RPIA: variants seen among roughly 807,000 people sequenced by gnomAD.
The protein encoded by RPIA is ribose 5-phosphate isomerase A.
In RPIA, 29 loss-of-function variants were observed where a neutral mutation model predicts 37.8. The observed-to-expected ratio is 0.77, with a 90% CI of 0.57 to 1.05. The LOEUF is 1.05. Ranked by LOEUF, RPIA falls within the 50% of genes least tolerant of loss-of-function variation. RPIA has a pLI of 0.00. For missense variants in RPIA, 385 were observed against 413.6 expected, an observed-to-expected ratio of 0.93 and a Z score of 0.60; for synonymous variants, 167 against 157.0, an observed-to-expected ratio of 1.06 and a Z score of -0.48.
Position 88,750,504 on chromosome 2 carries a change from T to C in RPIA, c.*426T>C. On this transcript the variant is annotated 3_prime_UTR_variant, in exon 9 of 9. Coordinates refer to ENST00000283646, the MANE Select transcript of RPIA (RefSeq NM_144563.3). ...GGGCCCACCAGCAGTGATCTCCTGATGCCTTACTGGAAACTTTGTTTACTT... is the reference window on the plus strand; with the variant it reads ...GGGCCCACCAGCAGTGATCTCCTGACGCCTTACTGGAAACTTTGTTTACTT... The C allele has an allele frequency of 2.4e-6, 1 of 423,454 alleles. No homozygotes were observed. Among genetic ancestry groups the C allele is most frequent in the Non-Finnish European group, 4.2e-6 (1 of 240,454 alleles). The allele number at this position is 423,454 out of a possible 1,614,324, so 26.2% of individuals were successfully genotyped here.
intron 8 of RPIA, 100 bp from the exon 9 acceptor site, chr2:88,749,881 T>G (rs1166710793): frequency 2.6e-6 from 2 of 765,468 alleles, no homozygotes; most frequent in African/African-American, 3.4e-5. Context: ...ATTCGTCCAA[T>G]GCTGTGTATG....
intron 2 of RPIA, among the ~76,000 whole-genome samples, chr2:88,699,483 G>A (rs1226522327): frequency 1.3e-5 from 2 of 151,754 alleles, no homozygotes; most frequent in Non-Finnish European, 2.9e-5. Flanking sequence ...ACTCTCTGGG[G>A]CCTACAAATA....
intron 3 of RPIA, among the ~76,000 whole-genome samples, chr2:88,723,484 A>C (rs1219480423): frequency 6.6e-6 from 1 of 152,210 alleles, no homozygotes; most frequent in Non-Finnish European, 1.5e-5. Flanking sequence ...GTTCTACAGC[A>C]AAATAAACTT....
chr2:88,718,373 T>A (rs1332911476), intron 3 of RPIA, among the ~76,000 whole-genome samples: 1 of 152,182 alleles, frequency 6.6e-6, no homozygotes, highest in Non-Finnish European at 1.5e-5. Flanking sequence ...TTAAATTGGC[T>A]TTGATGGAAC....
chr2:88,700,869 A>G (rs1672822089), intron 3 of RPIA, among the ~76,000 whole-genome samples: 1 of 152,172 alleles, frequency 6.6e-6, no homozygotes, highest in African/African-American at 2.4e-5. Flanking sequence ...GAGTATGTGT[A>G]TAATCTCTCG....
chr2:88,722,035 CTTTCTGG>C (rs1404735896), intron 3 of RPIA, among the ~76,000 whole-genome samples: 1 of 149,020 alleles, frequency 6.7e-6, no homozygotes, highest in Non-Finnish European at 1.5e-5. Flanking sequence ...CGTGCTTGGA[CTTTCTGG>C]TTTGTCCTGA....
At chr2:88,692,315 A>G (rs111351323) in intron 1 of RPIA, among the ~76,000 whole-genome samples, 10,453 of 152,274 alleles carry the variant, frequency 0.069, 450 homozygotes, top group Non-Finnish European at 0.094. Flanking sequence ...CTCCTTATCA[A>G]TAAATGGAAA....
At chr2:88,713,120 ATTT>A (rs1553420200) in intron 3 of RPIA, among the ~76,000 whole-genome samples, 3 of 65,280 alleles carry the variant, frequency 4.6e-5, no homozygotes, top group African/African-American at 2.4e-4. Context: ...ATATATATAT[ATTT>A]TTTTTTTTTT....
rs1344444750 is a variant in RPIA at position 88,750,456 on chromosome 2, C to G, written c.*378C>G. The G allele has an allele frequency of 2.3e-6, 1 of 427,544 alleles. No individual in the cohort carries two copies. Among genetic ancestry groups the G allele is most frequent in the Non-Finnish European group, 4.1e-6 (1 of 243,066 alleles). 26.5% of individuals were successfully genotyped at this position (427,544 alleles called of 1,614,324 possible). On this transcript the variant is annotated 3_prime_UTR_variant, in exon 9 of 9. Coordinates refer to ENST00000283646, the MANE Select transcript of RPIA (RefSeq NM_144563.3). ...GTTTGCTGAGAAATAAAAATCAAAA[C>G]TTCTTTAAGCTGGTAAAGTGAGGGG... is the stretch of plus-strand genomic sequence containing the variant.
At position 88,721,894 on chromosome 2, in the gene RPIA, T is replaced by G. The variant is rs576777005; in HGVS notation, c.403-7384T>G. 3.2e-4 allele frequency among the ~76,000 whole-genome samples: 49 copies of G among 151,610 alleles called. No homozygotes were observed. In the East Asian group the frequency reaches 4.8e-3, roughly 15 times the overall value. On this transcript the variant is annotated intron_variant, in intron 3 of 8. Transcript: ENST00000283646. ...TCTAATAAATTCTTTAGTATATAAATGGTTTTTTTTAAATATCAAACCCAA... is the reference window on the plus strand; with the variant it reads ...TCTAATAAATTCTTTAGTATATAAAGGGTTTTTTTTAAATATCAAACCCAA...
intron 1 of RPIA, among the ~76,000 whole-genome samples, 197 bp downstream of exon 1, chr2:88,692,180 T>C (rs1676945325): frequency 2.0e-5 from 3 of 152,104 alleles, no homozygotes. Flanking sequence ...GTGGAATCGG[T>C]TGGGGGCGAA....
chr2:88,711,115 A>G (rs529628283), intron 3 of RPIA, among the ~76,000 whole-genome samples: 56 of 152,352 alleles, frequency 3.7e-4, no homozygotes, highest in Admixed American at 1.0e-3. Flanking sequence ...TCACTTAAAA[A>G]TACCTGAGGT....
Position 88,750,522 on chromosome 2 carries a change from G to A in RPIA, c.*444G>A. The stretch of plus-strand genomic sequence containing the variant: ...CTCCTGATGCCTTACTGGAAACTTT[G>A]TTTACTTGTCTGCTACCCTCTGATT... On this transcript the variant is annotated 3_prime_UTR_variant, in exon 9 of 9. Transcript: ENST00000283646. 1 of 418,338 alleles carries A rather than the reference G, an allele frequency of 2.4e-6. No individual in the cohort carries two copies. The highest frequency in any genetic ancestry group is 4.2e-6 in the Non-Finnish European group (1 of 237,344). The allele number at this position is 418,338 out of a possible 1,614,324, so 25.9% of individuals were successfully genotyped here. A position where few individuals can be genotyped will look rare whatever the true frequency, so the allele number is the denominator to read the frequency against.
chr2:88,693,286 T>A (rs1464500612), intron 1 of RPIA, among the ~76,000 whole-genome samples: 2 of 152,240 alleles, frequency 1.3e-5, no homozygotes, highest in Non-Finnish European at 2.9e-5. Context: ...AGTCATGTAT[T>A]TGATTAAATA....
chr2:88,702,573 A>C (rs777354815), intron 3 of RPIA, among the ~76,000 whole-genome samples: 4 of 148,866 alleles, frequency 2.7e-5, no homozygotes, highest in Non-Finnish European at 5.9e-5. Context: ...AGACTTGCTC[A>C]CTACTATGAG....
At chr2:88,747,449 G>A (rs1004342203) in intron 8 of RPIA, among the ~76,000 whole-genome samples, 1 of 152,138 alleles carries the variant, frequency 6.6e-6, no homozygotes, top group Non-Finnish European at 1.5e-5. Flanking sequence ...CTTCCCATTT[G>A]TCCCCCACCG....
At chr2:88,729,239 A>G (rs1324235754) in intron 3 of RPIA, 39 bp from the exon 4 acceptor site, 16 of 1,603,878 alleles carry the variant, frequency 1.0e-5, no homozygotes, top group Non-Finnish European at 1.4e-5. Flanking sequence ...TCATGAACTC[A>G]AGTAAATGAT....
chr2:88,725,294 C>T (rs983692165), intron 3 of RPIA, among the ~76,000 whole-genome samples: 47 of 151,918 alleles, frequency 3.1e-4, no homozygotes, highest in Admixed American at 7.9e-4. Flanking sequence ...GAACTCCATG[C>T]ATCAGTTTGC....
intron 3 of RPIA, among the ~76,000 whole-genome samples, chr2:88,712,851 T>C (rs1467607079): frequency 6.6e-6 from 1 of 151,896 alleles, no homozygotes; most frequent in Non-Finnish European, 1.5e-5. Flanking sequence ...TGTTTTGGGT[T>C]GCCCTTGCTT....
Sources: allele counts gnomAD v4.1 joint callset (sites outside exome capture counted in the v4.1 genomes callset), GRCh38; gene constraint gnomAD v4.1.1; transcripts MANE v1.5; gene names NCBI Gene and HGNC (gene_info 2026-07-23, HGNC 2026-07-21).